SNPH: variants seen among roughly 807,000 people sequenced by gnomAD.
The protein encoded by SNPH is syntaphilin.
SNPH carries 10 observed loss-of-function variants against 36.8 expected under a neutral mutation model. The observed-to-expected ratio is 0.27, with a 90% CI of 0.17 to 0.46. The LOEUF (loss-of-function observed/expected upper bound fraction) is 0.46. Ranked by LOEUF, SNPH falls within the 20% of genes least tolerant of loss-of-function variation. SNPH has a pLI of 1.00. For missense variants in SNPH, 622 were observed against 744.0 expected, an observed-to-expected ratio of 0.84 and a Z score of 1.91; for synonymous variants, 281 against 312.2, an observed-to-expected ratio of 0.90 and a Z score of 1.05.
chr20:1,305,465 G>A lies in SNPH; in HGVS notation c.1028G>A (p.Gly343Asp), dbSNP rs747611355. 1 of 1,613,166 alleles carries A rather than the reference G, an allele frequency of 6.2e-7. No individual in the cohort carries two copies. Among genetic ancestry groups the A allele is most frequent in the African/African-American group, 1.3e-5 (1 of 74,960 alleles). Residue 343 changes from glycine to aspartate, a missense_variant, in exon 7 of 7, where the codon GGC becomes GAC. Physicochemically the swap from Gly to Asp is moderately conservative, Grantham distance 94 (BLOSUM62 -1). Around this residue, in one of 3 missense-constraint regions of SNPH, gnomAD observed 379 missense variants for 427.9 expected, o/e 0.89. Coordinates refer to ENST00000381867, the MANE Select transcript of SNPH (RefSeq NM_001318234.2). ...ASNTYEKLLC[G>D]MEAGVQASCM... is the part of the protein sequence containing the mutation. ...AACACCTATGAGAAGCTGCTGTGTG[G>A]CATGGAGGCTGGTGTGCAGGCCAGC...
In SNPH at chr20:1,304,102, T is replaced by C. The variant is rs571572684; in HGVS notation, c.441-776T>C. On this transcript the variant is annotated intron_variant, in intron 6 of 6. Transcript: ENST00000381867. This position sits in a 1 kb window ranked among gnomAD's most constrained non-coding sequence, Gnocchi z 4.3. ...TTTCTGGACAAGAGTCTGCCGACTA[T>C]CTTGTTCACCTGGTGCTTGCCCCCG... Among the ~76,000 whole-genome samples the C allele has an allele frequency of 1.3e-5, 2 of 152,328 alleles. No individual in the cohort carries two copies. Among genetic ancestry groups the C allele is most frequent in the Admixed American group, 1.3e-4 (2 of 15,304 alleles).
chr20:1,296,272 G>A lies in SNPH; in HGVS notation c.33G>A (p.Thr11=), dbSNP rs1208422347. The A allele has an allele frequency of 9.6e-6, 15 of 1,557,246 alleles. No individual in the cohort carries two copies. The African/African-American group carries it at 9.7e-5, about 10-fold the overall frequency. The part of the protein sequence containing the change: MPGSGPSERM[T]WPGPALSAGP... ...GCAGCGGCCCCAGCGAGAGGATGACGTGGCCTGGCCCGGCCCTTTCTGCGG... is the reference window on the plus strand; with the variant it reads ...GCAGCGGCCCCAGCGAGAGGATGACATGGCCTGGCCCGGCCCTTTCTGCGG... The change falls in exon 4 of 7, where the codon ACG becomes ACA. Residue 11 remains threonine, a synonymous_variant. Coordinates refer to ENST00000381867, the MANE Select transcript of SNPH (RefSeq NM_001318234.2).
rs370564959 is a variant in SNPH, at chr20:1,290,202, ACT to A, written c.-492-4746_-492-4745del. ...ACTCTAGCCTGGGCGACACAGTGAG[ACT>A]CTGTCTCAAAAAAAAAAAAATTAAG... On this transcript the variant is annotated intron_variant, in intron 2 of 6. Coordinates refer to ENST00000381867, the MANE Select transcript of SNPH (RefSeq NM_001318234.2). Among the ~76,000 whole-genome samples the A allele has an allele frequency of 7.5e-3, 881 of 116,974 alleles. 12 individuals carry two copies. Among genetic ancestry groups the A allele is most frequent in the African/African-American group, 0.026 (830 of 32,474 alleles). 76.7% of individuals were successfully genotyped at this position (116,974 alleles called of 152,430 possible).
At chr20:1,300,033 G>T (rs2088485413) in intron 5 of SNPH, among the ~76,000 whole-genome samples, 1 of 152,166 alleles carries the variant, frequency 6.6e-6, no homozygotes. Flanking sequence ...GCTGTGTGGG[G>T]GTGAGTCCTT....
At chr20:1,273,286 C>T (rs1318769212) in intron 2 of SNPH, among the ~76,000 whole-genome samples, 8 of 152,178 alleles carry the variant, frequency 5.3e-5, no homozygotes, top group Non-Finnish European at 1.2e-4. Flanking sequence ...GCAGAAGAAA[C>T]CCTACCACGG....
intron 4 of SNPH, 198 bp from the exon 5 acceptor site, chr20:1,296,947 C>G: frequency 1.5e-6 from 1 of 674,012 alleles, no homozygotes; most frequent in Non-Finnish European, 1.8e-6. Flanking sequence ...GAGGACCAGC[C>G]TTCTTCTGGT....
Position 1,296,235 on chromosome 20 carries a change from A to G in SNPH, c.-5A>G. On this transcript the variant is annotated 5_prime_UTR_variant, in exon 4 of 7. Transcript: ENST00000381867. ...GTGTCCTGCCGAAGGGTGAGAAGAGAAGCCATGCCGGGCAGCGGCCCCAGC... is the reference window on the plus strand; with the variant it reads ...GTGTCCTGCCGAAGGGTGAGAAGAGGAGCCATGCCGGGCAGCGGCCCCAGC... The G allele has an allele frequency of 1.3e-6, 2 of 1,513,848 alleles. No homozygotes were observed. Among genetic ancestry groups the G allele is most frequent in the Non-Finnish European group, 1.8e-6 (2 of 1,132,762 alleles). 93.8% of individuals were successfully genotyped at this position (1,513,848 alleles called of 1,614,324 possible). A position where few individuals can be genotyped will look rare whatever the true frequency, so the allele number is the denominator to read the frequency against.
At chr20:1,295,220 T>C (rs948642100) in intron 3 of SNPH, among the ~76,000 whole-genome samples, 6 of 152,126 alleles carry the variant, frequency 3.9e-5, no homozygotes, top group Admixed American at 2.0e-4. Flanking sequence ...TCCGGTAACT[T>C]TGGGCTAATA....
Position 1,266,723 on chromosome 20 carries a change from TGC to T in SNPH, c.-528_-527del. On this transcript the variant is annotated 5_prime_UTR_variant, in exon 2 of 7. Transcript: ENST00000381867. The surrounding 1 kb of genome is among the most constrained non-coding windows in gnomAD (Gnocchi z 6.0). ...GCTGCGCCAAGCCGGGCCGGAGTGG[TGC>T]GAGCCGGCGGGGCTGCGGAGGGCCA... is the stretch of plus-strand genomic sequence containing the variant. 7.1e-7 allele frequency: 1 copy of T among 1,410,846 alleles called. No homozygotes were observed. Among genetic ancestry groups the T allele is most frequent in the Non-Finnish European group, 9.2e-7 (1 of 1,086,784 alleles). 87.4% of individuals were successfully genotyped at this position (1,410,846 alleles called of 1,614,324 possible). A position where few individuals can be genotyped will look rare whatever the true frequency, so the allele number is the denominator to read the frequency against.
At chr20:1,283,107 T>C (rs1305304842) in intron 2 of SNPH, among the ~76,000 whole-genome samples, 1 of 152,154 alleles carries the variant, frequency 6.6e-6, no homozygotes, top group Non-Finnish European at 1.5e-5. Flanking sequence ...GAGATGGTGC[T>C]CTCTGCTTTA....
chr20:1,296,445 C>A, intron 4 of SNPH, 24 bp downstream of exon 4: 1 of 1,576,660 alleles, frequency 6.3e-7, no homozygotes, highest in Non-Finnish European at 8.6e-7. Flanking sequence ...TCGCTCACAG[C>A]CTAGGCTTCG....
intron 2 of SNPH, among the ~76,000 whole-genome samples, chr20:1,277,592 GTCTGTC>G (rs1427862691): frequency 4.2e-5 from 6 of 144,264 alleles, no homozygotes; most frequent in East Asian, 2.1e-4. Context: ...GTGTGTCAGT[GTCTGTC>G]TCTGTGTGTG....
rs2088402366 is a variant in SNPH, at chr20:1,294,426, C to T, written c.-492-525C>T. Among the ~76,000 whole-genome samples, 1 of 152,192 alleles carries T rather than the reference C, an allele frequency of 6.6e-6. No homozygotes were observed. On this transcript the variant is annotated intron_variant, in intron 2 of 6. Transcript: ENST00000381867. The surrounding 1 kb of genome is among the most constrained non-coding windows in gnomAD (Gnocchi z 4.4). ...ACAAGCATGGAGGAGCACTGATGTCCTCTTACCCCCAAATCGCCCCTCCTC... is the reference window on the plus strand; with the variant it reads ...ACAAGCATGGAGGAGCACTGATGTCTTCTTACCCCCAAATCGCCCCTCCTC...
intron 6 of SNPH, among the ~76,000 whole-genome samples, chr20:1,301,309 T>C (rs1049647348): frequency 1.3e-5 from 2 of 151,870 alleles, no homozygotes; most frequent in African/African-American, 4.8e-5. Context: ...ATCCCAACCC[T>C]CCCAGCTTCT....
At chr20:1,300,493 C>G in intron 5 of SNPH, 69 bp from the exon 6 acceptor site, 1 of 1,575,022 alleles carries the variant, frequency 6.3e-7, no homozygotes, top group Non-Finnish European at 8.7e-7. Context: ...CCCTTGCTCC[C>G]CAGAGGTAAA....
intron 2 of SNPH, among the ~76,000 whole-genome samples, chr20:1,274,394 A>G (rs973474545): frequency 6.6e-6 from 1 of 152,032 alleles, no homozygotes; most frequent in Non-Finnish European, 1.5e-5. Context: ...TAACAAAACA[A>G]TGTGTTTTGA....
At chr20:1,280,934 G>C (rs1419795905) in intron 2 of SNPH, among the ~76,000 whole-genome samples, 1 of 152,182 alleles carries the variant, frequency 6.6e-6, no homozygotes, top group East Asian at 1.9e-4. Flanking sequence ...CACCTAGCCA[G>C]GTTCCCAAGC....
At chr20:1,290,651 C>T (rs774290914) in intron 2 of SNPH, among the ~76,000 whole-genome samples, 1 of 152,198 alleles carries the variant, frequency 6.6e-6, no homozygotes, top group Non-Finnish European at 1.5e-5. Flanking sequence ...CTGTGAAGTA[C>T]ACTTCTTATA....
At chr20:1,290,632 A>G (rs936321306) in intron 2 of SNPH, among the ~76,000 whole-genome samples, 5 of 152,218 alleles carry the variant, frequency 3.3e-5, no homozygotes, top group Admixed American at 2.6e-4. Flanking sequence ...GCTATTAAGA[A>G]TAGTGCTACT....
Sources: allele counts gnomAD v4.1 joint callset (sites outside exome capture counted in the v4.1 genomes callset), GRCh38; gene constraint gnomAD v4.1.1; regional missense constraint gnomAD v4.1.1; non-coding constraint Gnocchi (gnomAD v3.1); transcripts MANE v1.5; gene names NCBI Gene and HGNC (gene_info 2026-07-23, HGNC 2026-07-21).